Variants in MYBPC2 observed in about 807,000 individuals in gnomAD.
The protein encoded by MYBPC2 is myosin-binding protein C, fast-type.
A neutral mutation model predicts 137.0 loss-of-function variants in MYBPC2; 122 were observed. That is an observed-to-expected ratio of 0.89 (90% CI 0.77 to 1.03). MYBPC2 has a LOEUF of 1.03. MYBPC2 is among the 50% of genes least tolerant of loss of function. The probability of loss-of-function intolerance (pLI) is 0.00; values close to 1 mark genes in which losing one functional copy is unlikely to be tolerated. For synonymous variants in MYBPC2, 626 were observed against 612.3 expected (o/e 1.02, Z -0.33); for missense variants, 1,500 against 1,534.4 (o/e 0.98, Z 0.37).
Position 50,466,040 on chromosome 19 carries a change from A to T in MYBPC2, c.3416-155A>T, listed in dbSNP as rs535057913. ...AATACCAGTAATCAGGAGCACTGTG[A>T]CTCTGGGTTGTCCAGCCACAGTGGC... is the stretch of plus-strand genomic sequence containing the variant. On this transcript the variant is annotated intron_variant, in intron 27 of 27. Coordinates refer to ENST00000357701, the MANE Select transcript of MYBPC2 (RefSeq NM_004533.4). The surrounding 1 kb of genome is among the most constrained non-coding windows in gnomAD (Gnocchi z 4.9). 1.3e-5 allele frequency among the ~76,000 whole-genome samples: 2 copies of T among 152,048 alleles called. No homozygotes were observed. Among genetic ancestry groups the T allele is most frequent in the East Asian group, 3.9e-4 (2 of 5,156 alleles).
At chr19:50,446,973 C>T (rs2039811519) in intron 12 of MYBPC2, among the ~76,000 whole-genome samples, 1 of 146,178 alleles carries the variant, frequency 6.8e-6, no homozygotes, top group Non-Finnish European at 1.5e-5. Context: ...GGTGACAGAG[C>T]AAGACTCCGT....
intron 12 of MYBPC2, among the ~76,000 whole-genome samples, chr19:50,447,665 CT>C (rs1322690207): frequency 6.6e-6 from 1 of 152,030 alleles, no homozygotes; most frequent in Non-Finnish European, 1.5e-5. Context: ...CAAGACCAGC[CT>C]GGTCAACATG....
Position 50,451,941 on chromosome 19 carries a change from AGGCTT to A in MYBPC2, c.1689_1693del (p.Leu564ArgfsTer18). 1 of 1,566,404 alleles carries A rather than the reference AGGCTT, an allele frequency of 6.4e-7. No individual in the cohort carries two copies. The highest frequency in any genetic ancestry group is 1.7e-4 in the Middle Eastern group (1 of 6,002). On this transcript the variant is annotated frameshift_variant, in exon 16 of 28. Transcript: ENST00000357701. LOFTEE classifies it high-confidence loss of function. ...TGTGGTTGTGGCTGGAAACAAGCTG[AGGCTT>A]GACGTGTCCATCACAGGGGAGCCCC...
chr19:50,449,349 C>A (rs2039835664), intron 13 of MYBPC2, among the ~76,000 whole-genome samples: 1 of 152,188 alleles, frequency 6.6e-6, no homozygotes, highest in Non-Finnish European at 1.5e-5. Flanking sequence ...CAGCTGGGCG[C>A]CCAGCACGCC....
intron 18 of MYBPC2, among the ~76,000 whole-genome samples, chr19:50,454,634 C>T (rs1038184251): frequency 6.6e-6 from 1 of 151,846 alleles, no homozygotes; most frequent in Non-Finnish European, 1.5e-5. Flanking sequence ...CCATGTTGGC[C>T]AGGCTGGTTT....
chr19:50,465,663 G>A lies in MYBPC2; in HGVS notation c.3416-532G>A, dbSNP rs1449082773. The stretch of plus-strand genomic sequence containing the variant: ...TCAAGACCAGCCTGGGCAACATGGC[G>A]AAACCCTGTCTCTACTAAAAATACA... On this transcript the variant is annotated intron_variant, in intron 27 of 27. Transcript: ENST00000357701. The surrounding 1 kb of genome is among the most constrained non-coding windows in gnomAD (Gnocchi z 4.5). 2.0e-5 allele frequency among the ~76,000 whole-genome samples: 3 copies of A among 152,166 alleles called. No homozygotes were observed. Among genetic ancestry groups the A allele is most frequent in the Non-Finnish European group, 4.4e-5 (3 of 68,044 alleles).
intron 11 of MYBPC2, 122 bp downstream of exon 11, chr19:50,443,938 TC>T: frequency 1.1e-6 from 1 of 877,318 alleles, no homozygotes; most frequent in Non-Finnish European, 1.8e-6. Flanking sequence ...TCAGTAGTCA[TC>T]CCCAGGAGAT....
intron 6 of MYBPC2, 63 bp downstream of exon 6, chr19:50,437,584 GA>G: frequency 6.3e-7 from 1 of 1,593,492 alleles, no homozygotes. Context: ...CTTGGAAGGG[GA>G]AAAAGGGAGG....
Position 50,443,535 on chromosome 19 carries a change from TCAA to T in MYBPC2, c.948_950del (p.Asn316del). 6.2e-7 allele frequency: 1 copy of T among 1,613,170 alleles called. No homozygotes were observed. The highest frequency in any genetic ancestry group is 8.5e-7 in the Non-Finnish European group (1 of 1,179,600). ...GTTGGTAAGAAGCGAATTCTTACCA[TCAA>T]CAAGTGCACGCTGGCGGATGACGCT... is the stretch of plus-strand genomic sequence containing the variant. On this transcript the variant is annotated inframe_deletion, in exon 10 of 28. Coordinates refer to ENST00000357701, the MANE Select transcript of MYBPC2 (RefSeq NM_004533.4).
Position 50,460,137 on chromosome 19 carries a change from G to A in MYBPC2, c.2889G>A (p.Glu963=). ...CCCCCAAAGATGATGGGAACAGTGA[G>A]ATCATGGGGTATTTCGTCCAGAAAG... ...WQAPKDDGNS[E]IMGYFVQKAD... is the part of the protein sequence containing the mutation. Residue 963 remains glutamate (E), a synonymous_variant, in exon 24 of 28, where the codon GAG becomes GAA. Transcript: ENST00000357701. 1 of 1,588,396 alleles carries A rather than the reference G, an allele frequency of 6.3e-7. No homozygotes were observed. The highest frequency in any genetic ancestry group is 8.6e-7 in the Non-Finnish European group (1 of 1,168,432).
chr19:50,459,350 GA>G lies in MYBPC2; in HGVS notation c.2791+45del, dbSNP rs774975289. On this transcript the variant is annotated intron_variant, in intron 23 of 27. Transcript: ENST00000357701. ...GCCCCTGGAGGCCGGGAGGGGCAGG[GA>G]TGGGCAGCGATGGGGGAGGAGGTAA... 6 of 1,348,504 alleles carry G rather than the reference GA, an allele frequency of 4.4e-6. No individual in the cohort carries two copies. The Admixed American group carries it at 1.2e-4, about 27-fold the overall frequency. 83.5% of individuals were successfully genotyped at this position (1,348,504 alleles called of 1,614,324 possible).
Position 50,455,569 on chromosome 19 carries a change from C to T in MYBPC2, c.2263C>T (p.Leu755Phe). 6.2e-7 allele frequency: 1 copy of T among 1,614,004 alleles called. No homozygotes were observed. Among genetic ancestry groups the T allele is most frequent in the Non-Finnish European group, 8.5e-7 (1 of 1,179,884 alleles). ...VEDVTDTTTTLKWRPPNRIGA... is the reference protein window; with the variant it reads ...VEDVTDTTTTFKWRPPNRIGA... ...GGATGTGACAGACACCACCACCACACTCAAGTGGAGGCCTCCGAACAGGAT... is the reference window on the plus strand; with the variant it reads ...GGATGTGACAGACACCACCACCACATTCAAGTGGAGGCCTCCGAACAGGAT... Residue 755 changes from leucine (L) to phenylalanine (F), a missense_variant, in exon 20 of 28, where the codon CTC becomes TTC. Leu to Phe is a conservative substitution (Grantham distance 22). Transcript: ENST00000357701.
chr19:50,442,861 T>C (rs2039768875), intron 9 of MYBPC2, among the ~76,000 whole-genome samples: 1 of 151,528 alleles, frequency 6.6e-6, no homozygotes, highest in Admixed American at 6.6e-5. Context: ...CACTGCAACC[T>C]CTGCCTCCCA....
rs1306530857 is a variant in MYBPC2, at chr19:50,443,499, T to C, written c.908T>C (p.Val303Ala). Residue 303 changes from valine to alanine, a missense_variant, in exon 10 of 28, where the codon GTG becomes GCG. Transcript: ENST00000357701. The stretch of plus-strand genomic sequence containing the variant: ...AGGTGAGACTTTTGAATCAGGTACG[T>C]GTTTGAGAACGTTGGTAAGAAGCGA... The part of the protein sequence containing the change: ...GQEIKPSSKY[V>A]FENVGKKRIL... 1 of 1,613,212 alleles carries C rather than the reference T, an allele frequency of 6.2e-7. No homozygotes were observed. The highest frequency in any genetic ancestry group is 8.5e-7 in the Non-Finnish European group (1 of 1,179,644).
chr19:50,448,343 G>T lies in MYBPC2; in HGVS notation c.1425G>T (p.Gly475=). 6.2e-7 allele frequency: 1 copy of T among 1,613,886 alleles called. No individual in the cohort carries two copies. The change falls in exon 13 of 28, where the codon GGG becomes GGT. Residue 475 remains glycine (G), a synonymous_variant. Transcript: ENST00000357701. ...TGACGGGCAAGTGGTATAAGAATGG[G>T]GTCGAGGTGCGGCCCAGCAAGAGGA... The part of the protein sequence containing the change: ...EKVTGKWYKN[G]VEVRPSKRIT...
intron 23 of MYBPC2, 37 bp from the exon 24 acceptor site, chr19:50,460,003 A>T: frequency 6.5e-7 from 1 of 1,549,782 alleles, no homozygotes; most frequent in Non-Finnish European, 8.7e-7. Flanking sequence ...GGACATCCCA[A>T]AACCTGGACT....
chr19:50,437,531 C>T lies in MYBPC2; in HGVS notation c.512+10C>T. On this transcript the variant is annotated intron_variant, in intron 6 of 27. Coordinates refer to ENST00000357701, the MANE Select transcript of MYBPC2 (RefSeq NM_004533.4). Reference sequence around the variant, plus strand: ...AAAGCTTCAAGCGTACGTAAGTGACCCCAGGCCCTTACCAGGGTCCCAAGG... The same window carrying T: ...AAAGCTTCAAGCGTACGTAAGTGACTCCAGGCCCTTACCAGGGTCCCAAGG... 2 of 1,609,148 alleles carry T rather than the reference C, an allele frequency of 1.2e-6. No homozygotes were observed. Among genetic ancestry groups the T allele is most frequent in the Non-Finnish European group, 1.7e-6 (2 of 1,177,764 alleles).
At chr19:50,436,543 G>A (rs1010664141) in intron 4 of MYBPC2, 74 bp from the exon 5 acceptor site, 4 of 1,315,594 alleles carry the variant, frequency 3.0e-6, no homozygotes, top group Non-Finnish European at 4.3e-6. Context: ...ATAGAGCTAT[G>A]AGTGGACTCT....
intron 21 of MYBPC2, 28 bp from the exon 22 acceptor site, chr19:50,458,890 A>T: frequency 1.3e-6 from 2 of 1,549,396 alleles, no homozygotes; most frequent in Non-Finnish European, 1.8e-6. Context: ...CCCCCCGCTG[A>T]GCCCCCTCCC....
Sources: gnomAD v4.1 joint callset for allele counts (sites outside exome capture counted in the v4.1 genomes callset) on GRCh38, gnomAD v4.1.1 for gene constraint, Gnocchi (gnomAD v3.1) non-coding constraint, MANE v1.5 for transcripts, NCBI Gene and HGNC (gene_info 2026-07-23, HGNC 2026-07-21) for gene names.